FAM3D: variants seen among roughly 807,000 people sequenced by gnomAD.
FAM3D encodes the protein FAM3 metabolism regulating signaling molecule D, also known as protein FAM3D.
In FAM3D, 26 loss-of-function variants were observed where a neutral mutation model predicts 29.8. The observed-to-expected ratio is 0.87, with a 90% CI of 0.64 to 1.21. The LOEUF is 1.21. Ranked by LOEUF, FAM3D falls within the 50% of genes most tolerant of loss-of-function variation. FAM3D has a pLI of 0.00. For missense variants in FAM3D, 253 were observed against 290.9 expected, an observed-to-expected ratio of 0.87 and a Z score of 0.95; for synonymous variants, 115 against 102.3, an observed-to-expected ratio of 1.12 and a Z score of -0.75.
intron 1 of FAM3D, among the ~76,000 whole-genome samples, chr3:58,664,001 C>T (rs564935581): frequency 2.6e-5 from 4 of 152,212 alleles, no homozygotes; most frequent in African/African-American, 4.8e-5. Flanking sequence ...AGATCATTCC[C>T]TCTGCGATGT....
chr3:58,646,898 G>T (rs1490549500), intron 4 of FAM3D, among the ~76,000 whole-genome samples: 2 of 152,216 alleles, frequency 1.3e-5, no homozygotes, highest in African/African-American at 4.8e-5. Flanking sequence ...GGCTACACCT[G>T]AGGCTGGTAG....
intron 3 of FAM3D, among the ~76,000 whole-genome samples, chr3:58,652,780 T>C (rs2066677508): frequency 6.6e-6 from 1 of 152,008 alleles, no homozygotes; most frequent in Admixed American, 6.6e-5. Flanking sequence ...CATCCCTCCA[T>C]CTACCCATCC....
At chr3:58,656,785 C>T (rs1559507489) in intron 1 of FAM3D, among the ~76,000 whole-genome samples, 2 of 152,216 alleles carry the variant, frequency 1.3e-5, no homozygotes, top group African/African-American at 4.8e-5. Flanking sequence ...AGACAGGAGA[C>T]TGGGCTCATG....
At chr3:58,661,966 C>T (rs944299062) in intron 1 of FAM3D, among the ~76,000 whole-genome samples, 25 of 152,224 alleles carry the variant, frequency 1.6e-4, no homozygotes, top group Admixed American at 1.6e-3. Flanking sequence ...AGGAAGCCAT[C>T]TGGACAGACA....
intron 8 of FAM3D, 114 bp downstream of exon 8, chr3:58,637,027 C>G (rs572347093): frequency 1.2e-6 from 1 of 844,052 alleles, no homozygotes; most frequent in Non-Finnish European, 1.9e-6. Context: ...ATAATTTCCT[C>G]GAGATAAGTT....
intron 4 of FAM3D, among the ~76,000 whole-genome samples, chr3:58,647,393 G>A (rs1476879611): frequency 6.6e-6 from 1 of 152,214 alleles, no homozygotes; most frequent in Non-Finnish European, 1.5e-5. Context: ...ATTGGCTGAG[G>A]AGTGATGCTG....
At position 58,637,109 on chromosome 3, in the gene FAM3D, G is replaced by A. The variant is rs201891216; in HGVS notation, c.458+32C>T. ...TTGAAGGTATTCAGTTTGCATCACT[G>A]TGTGGCCTGGCAGGTAGAGTTTTCT... On this transcript the variant is annotated intron_variant, in intron 8 of 9. Transcript: ENST00000358781. 9.8e-5 allele frequency: 156 copies of A among 1,590,800 alleles called. 1 individual carries two copies. The East Asian group carries it at 3.4e-3, about 34-fold the overall frequency.
At chr3:58,658,288 A>C (rs554051795) in intron 1 of FAM3D, among the ~76,000 whole-genome samples, 1 of 152,326 alleles carries the variant, frequency 6.6e-6, no homozygotes, top group South Asian at 2.1e-4. Context: ...GAATTCTTGC[A>C]TCGTCCTGGA....
intron 3 of FAM3D, among the ~76,000 whole-genome samples, chr3:58,651,275 G>A (rs932374734): frequency 1.2e-4 from 18 of 152,184 alleles, no homozygotes; most frequent in African/African-American, 4.3e-4. Context: ...TTGTGCTATA[G>A]TAATATATGT....
intron 4 of FAM3D, among the ~76,000 whole-genome samples, chr3:58,646,616 C>T (rs2066489337): frequency 6.6e-6 from 1 of 152,208 alleles, no homozygotes; most frequent in Admixed American, 6.5e-5. Context: ...TTGGAGAATG[C>T]TCATCTGCAA....
At position 58,636,575 on chromosome 3, in the gene FAM3D, G is replaced by C. The variant is rs1005578678; in HGVS notation, c.459-155C>G. Among the ~76,000 whole-genome samples the C allele has an allele frequency of 4.6e-5, 7 of 152,116 alleles. No homozygotes were observed. The East Asian group carries it at 1.2e-3, about 25-fold the overall frequency. ...ACGTGGCTGCACTCAGGAAGGACAG[G>C]GTAAAGGGCTTCAAGACTTCCTCTC... On this transcript the variant is annotated intron_variant, in intron 8 of 9. Transcript: ENST00000358781.
In FAM3D at chr3:58,634,609, C is replaced by A. The variant is rs1230162957; in HGVS notation, c.586-241G>T. 2.0e-5 allele frequency among the ~76,000 whole-genome samples: 3 copies of A among 152,152 alleles called. No homozygotes were observed. The highest frequency in any genetic ancestry group is 2.9e-5 in the Non-Finnish European group (2 of 68,026). On this transcript the variant is annotated intron_variant, in intron 9 of 9. Coordinates refer to ENST00000358781, the MANE Select transcript of FAM3D (RefSeq NM_138805.3). This position sits in a 1 kb window ranked among gnomAD's most constrained non-coding sequence, Gnocchi z 4.6. Reference sequence around the variant, plus strand: ...GTAACCAGTTGTTGGAGAGATCTGGCCCCTCCCCACAAATTCTCTGTGTCC... The same window carrying A: ...GTAACCAGTTGTTGGAGAGATCTGGACCCTCCCCACAAATTCTCTGTGTCC...
chr3:58,647,210 G>A (rs1319049931), intron 4 of FAM3D, among the ~76,000 whole-genome samples: 1 of 152,240 alleles, frequency 6.6e-6, no homozygotes, highest in Non-Finnish European at 1.5e-5. Context: ...CCATGACATT[G>A]TCACCCAGAG....
intron 1 of FAM3D, among the ~76,000 whole-genome samples, chr3:58,659,626 C>T (rs868761982): frequency 2.0e-5 from 3 of 152,236 alleles, no homozygotes; most frequent in African/African-American, 7.2e-5. Context: ...GCTTCCCCTC[C>T]AGGGAGTGGC....
At chr3:58,640,213 C>T (rs116432985) in intron 6 of FAM3D, 36 bp from the exon 7 acceptor site, 142 of 1,610,090 alleles carry the variant, frequency 8.8e-5, no homozygotes, top group Non-Finnish European at 1.1e-4. Flanking sequence ...TCCCCTGTAA[C>T]ACGTGTCATT....
chr3:58,643,577 C>T (rs1033698775), intron 6 of FAM3D, 85 bp downstream of exon 6: 5 of 1,392,136 alleles, frequency 3.6e-6, no homozygotes, highest in Admixed American at 1.7e-5. Flanking sequence ...GGAGCTGAGC[C>T]AATGTTGGTT....
chr3:58,638,076 G>A (rs550484618), intron 7 of FAM3D, among the ~76,000 whole-genome samples: 53 of 152,198 alleles, frequency 3.5e-4, no homozygotes, highest in Admixed American at 1.0e-3. Context: ...TAGAATTGGA[G>A]TTTCTCCATG....
chr3:58,660,489 C>T (rs1213509655), intron 1 of FAM3D, among the ~76,000 whole-genome samples: 2 of 152,196 alleles, frequency 1.3e-5, no homozygotes, highest in South Asian at 2.1e-4. Flanking sequence ...GTCGCCAATA[C>T]AGACGGGGAG....
intron 3 of FAM3D, among the ~76,000 whole-genome samples, chr3:58,652,260 T>C (rs1290230646): frequency 1.3e-5 from 2 of 152,218 alleles, no homozygotes; most frequent in African/African-American, 2.4e-5. Flanking sequence ...TCAAGGATTG[T>C]GCTTGAGTCC....
Sources: gnomAD v4.1 joint callset for allele counts (sites outside exome capture counted in the v4.1 genomes callset) on GRCh38, gnomAD v4.1.1 for gene constraint, Gnocchi (gnomAD v3.1) non-coding constraint, MANE v1.5 for transcripts, NCBI Gene and HGNC (gene_info 2026-07-23, HGNC 2026-07-21) for gene names.